Variants in MYO3B observed in about 807,000 individuals in gnomAD.
MYO3B encodes myosin IIIB, also known as myosin-IIIb.
MYO3B carries 156 observed loss-of-function variants against 174.6 expected under a neutral mutation model. The ratio of observed to expected loss-of-function variants is 0.89; its 90% confidence interval spans 0.78 to 1.02. The LOEUF (loss-of-function observed/expected upper bound fraction) is 1.02. Ranked by LOEUF, MYO3B falls within the 50% of genes least tolerant of loss-of-function variation. The pLI, the probability that MYO3B is intolerant of heterozygous loss-of-function variation, is 0.00. For missense variants in MYO3B, 1,632 were observed against 1,639.4 expected (o/e 1.00, Z 0.08); for synonymous variants, 563 against 569.1 (o/e 0.99, Z 0.15).
chr2:170,236,304 A>G (rs979011939), intron 7 of MYO3B, among the ~76,000 whole-genome samples, 168 bp downstream of exon 7: 22 of 152,106 alleles, frequency 1.4e-4, no homozygotes. Flanking sequence ...AGAGAAGAGG[A>G]TGTTCCTGAA....
intron 19 of MYO3B, among the ~76,000 whole-genome samples, chr2:170,403,668 T>C (rs1217138528): frequency 6.6e-6 from 1 of 152,196 alleles, no homozygotes; most frequent in Non-Finnish European, 1.5e-5. Context: ...GCAGGGATAA[T>C]TGTTTTAATG....
intron 19 of MYO3B, among the ~76,000 whole-genome samples, chr2:170,403,249 A>C (rs1218970408): frequency 6.8e-6 from 1 of 146,440 alleles, no homozygotes; most frequent in Non-Finnish European, 1.5e-5. Context: ...TCTTTCGTGC[A>C]TATTGCTCAA....
chr2:170,214,908 G>A (rs923594464), intron 5 of MYO3B, 80 bp downstream of exon 5: 15 of 1,063,826 alleles, frequency 1.4e-5, no homozygotes, highest in Non-Finnish European at 2.2e-5. Flanking sequence ...TCAGAAGACT[G>A]GGGCTTCTCT....
At chr2:170,442,266 T>C (rs2094806229) in intron 22 of MYO3B, among the ~76,000 whole-genome samples, 1 of 152,220 alleles carries the variant, frequency 6.6e-6, no homozygotes, top group South Asian at 2.1e-4. Context: ...TTGTTCCTAA[T>C]ACTTGTGAAC....
At chr2:170,447,965 A>T (rs1261322092) in intron 23 of MYO3B, among the ~76,000 whole-genome samples, 3 of 152,084 alleles carry the variant, frequency 2.0e-5, no homozygotes, top group Non-Finnish European at 2.9e-5. Flanking sequence ...GTGCCAGCTG[A>T]TCCATCGAGT....
chr2:170,425,727 C>T (rs913828910), intron 22 of MYO3B, among the ~76,000 whole-genome samples: 3 of 152,140 alleles, frequency 2.0e-5, no homozygotes, highest in Admixed American at 2.0e-4. Context: ...GGCAGCAATC[C>T]CATCAGCTAC....
At chr2:170,597,159 A>G (rs9679098) in intron 32 of MYO3B, among the ~76,000 whole-genome samples, 7,338 of 151,848 alleles carry the variant, frequency 0.048, 584 homozygotes, top group African/African-American at 0.17. Flanking sequence ...CTTGAAAGAG[A>G]CCCTGCCTCG....
At chr2:170,430,267 G>T (rs1042925947) in intron 22 of MYO3B, among the ~76,000 whole-genome samples, 2 of 151,460 alleles carry the variant, frequency 1.3e-5, no homozygotes, top group African/African-American at 4.9e-5. Flanking sequence ...TAAACAAAAG[G>T]TCCCCTATTT....
At chr2:170,265,335 G>T (rs557055616) in intron 7 of MYO3B, among the ~76,000 whole-genome samples, 2 of 152,302 alleles carry the variant, frequency 1.3e-5, no homozygotes, top group South Asian at 4.1e-4. Flanking sequence ...ATTTCAGAAA[G>T]GTTCTAAAAG....
intron 25 of MYO3B, among the ~76,000 whole-genome samples, chr2:170,482,165 T>G (rs1451606029): frequency 7.2e-5 from 11 of 151,832 alleles, no homozygotes; most frequent in Admixed American, 1.3e-4. Context: ...CTCTCTTTTT[T>G]TTTTTTTTGA....
At chr2:170,462,596 C>G (rs1684359747) in intron 23 of MYO3B, among the ~76,000 whole-genome samples, 1 of 152,280 alleles carries the variant, frequency 6.6e-6, no homozygotes, top group South Asian at 2.1e-4. Context: ...TCTTCCATCT[C>G]AAACATTTCT....
intron 28 of MYO3B, among the ~76,000 whole-genome samples, chr2:170,512,060 G>C (rs1024357132): frequency 5.3e-5 from 8 of 152,166 alleles, no homozygotes; most frequent in Admixed American, 3.3e-4. Context: ...TTCCAGGTTG[G>C]GGAAAACACT....
chr2:170,628,136 C>T (rs931410308), intron 32 of MYO3B, among the ~76,000 whole-genome samples: 1 of 152,218 alleles, frequency 6.6e-6, no homozygotes, highest in African/African-American at 2.4e-5. Flanking sequence ...CTATGACCTG[C>T]CTCCAGAGAT....
intron 7 of MYO3B, among the ~76,000 whole-genome samples, chr2:170,272,611 G>C (rs1430954711): frequency 6.6e-6 from 1 of 152,162 alleles, no homozygotes; most frequent in Non-Finnish European, 1.5e-5. Context: ...CATGGTTTGA[G>C]AGTGTCTCCC....
chr2:170,623,008 T>C (rs1696073492), intron 32 of MYO3B, among the ~76,000 whole-genome samples: 1 of 152,180 alleles, frequency 6.6e-6, no homozygotes, highest in South Asian at 2.1e-4. Context: ...GTCTTTACTA[T>C]TGTGAGTAGT....
chr2:170,642,625 A>G (rs893489642), intron 32 of MYO3B, among the ~76,000 whole-genome samples: 1 of 152,200 alleles, frequency 6.6e-6, no homozygotes, highest in Non-Finnish European at 1.5e-5. Context: ...GCATCATAAT[A>G]GAGGCCATGA....
At chr2:170,457,643 T>TGGC (rs1683982102) in intron 23 of MYO3B, among the ~76,000 whole-genome samples, 1 of 152,238 alleles carries the variant, frequency 6.6e-6, no homozygotes, top group Non-Finnish European at 1.5e-5. Flanking sequence ...TCTCCTATGA[T>TGGC]AACAATGCCT....
Position 170,618,231 on chromosome 2 carries a change from C to T in MYO3B, c.3734-33397C>T, listed in dbSNP as rs375043859. The stretch of plus-strand genomic sequence containing the variant: ...CAAATACTATCATTAACATAGACCT[C>T]GATAGGAGCATCCATCCATGTCACG... On this transcript the variant is annotated intron_variant, in intron 32 of 34. Transcript: ENST00000408978. Among the ~76,000 whole-genome samples the T allele has an allele frequency of 6.6e-5, 10 of 152,158 alleles. No homozygotes were observed. In the East Asian group the frequency reaches 1.2e-3, roughly 18 times the overall value.
chr2:170,428,494 A>C (rs533556738), intron 22 of MYO3B, among the ~76,000 whole-genome samples: 2 of 152,274 alleles, frequency 1.3e-5, no homozygotes, highest in South Asian at 4.1e-4. Flanking sequence ...TCCAACTTGC[A>C]TCTAGTTATT....
Sources: gnomAD v4.1 joint callset for allele counts (sites outside exome capture counted in the v4.1 genomes callset) on GRCh38, gnomAD v4.1.1 for gene constraint, MANE v1.5 for transcripts, NCBI Gene and HGNC (gene_info 2026-07-23, HGNC 2026-07-21) for gene names.